Variants in RIMS2 observed in about 807,000 individuals in gnomAD.
The protein encoded by RIMS2 is regulating synaptic membrane exocytosis protein 2.
A neutral mutation model predicts 174.4 loss-of-function variants in RIMS2; 59 were observed. The ratio of observed to expected loss-of-function variants is 0.34; its 90% confidence interval spans 0.27 to 0.42. The LOEUF is 0.42. RIMS2 is among the 10% of genes least tolerant of loss of function. The probability of loss-of-function intolerance (pLI) is 1.00; values close to 1 mark genes in which losing one functional copy is unlikely to be tolerated. For missense variants in RIMS2, 1,620 were observed against 1,666.3 expected, an observed-to-expected ratio of 0.97 and a Z score of 0.48; for synonymous variants, 606 against 572.5, an observed-to-expected ratio of 1.06 and a Z score of -0.84.
intron 19 of RIMS2, among the ~76,000 whole-genome samples, chr8:104,089,871 T>A (rs1389456829): frequency 6.6e-6 from 1 of 151,696 alleles, no homozygotes; most frequent in African/African-American, 2.4e-5. Flanking sequence ...TCTCAAAAAT[T>A]CTTAAAATGG....
chr8:103,933,334 CAA>C (rs2080443003), intron 12 of RIMS2, among the ~76,000 whole-genome samples: 1 of 124,460 alleles, frequency 8.0e-6, no homozygotes, highest in Non-Finnish European at 1.6e-5. Context: ...CACACACACA[CAA>C]TTAGCCAGGA....
At chr8:103,738,948 A>C (rs1485675577) in intron 2 of RIMS2, among the ~76,000 whole-genome samples, 1 of 152,200 alleles carries the variant, frequency 6.6e-6, no homozygotes, top group Non-Finnish European at 1.5e-5. Context: ...AAACTAGTTC[A>C]ACCATTGTGG....
intron 19 of RIMS2, among the ~76,000 whole-genome samples, chr8:104,227,949 T>TA (rs1417457805): frequency 6.6e-6 from 1 of 151,870 alleles, no homozygotes; most frequent in East Asian, 1.9e-4. Flanking sequence ...TATGAGGAAT[T>TA]AAAATAAAAT....
chr8:103,947,353 A>G (rs1442522255), intron 14 of RIMS2, among the ~76,000 whole-genome samples: 1 of 152,216 alleles, frequency 6.6e-6, no homozygotes, highest in East Asian at 1.9e-4. Context: ...GCTAATGACC[A>G]GGTTACTTTC....
intron 1 of RIMS2, among the ~76,000 whole-genome samples, chr8:103,539,448 C>A (rs1841485272): frequency 6.6e-6 from 1 of 152,004 alleles, no homozygotes; most frequent in Non-Finnish European, 1.5e-5. Context: ...ACTGAAGCAA[C>A]AAAGTGGAGC....
At chr8:103,958,064 G>T (rs550530634) in intron 14 of RIMS2, among the ~76,000 whole-genome samples, 1 of 152,182 alleles carries the variant, frequency 6.6e-6, no homozygotes, top group South Asian at 2.1e-4. Flanking sequence ...ATATTCCCAG[G>T]TGAATATAAA....
At chr8:103,628,835 A>G (rs2095848121) in intron 1 of RIMS2, among the ~76,000 whole-genome samples, 1 of 151,920 alleles carries the variant, frequency 6.6e-6, no homozygotes, top group Middle Eastern at 3.2e-3. Context: ...CAACAGAACA[A>G]AAACATTTTG....
chr8:104,098,590 C>T (rs949200372), intron 19 of RIMS2, among the ~76,000 whole-genome samples: 8 of 152,088 alleles, frequency 5.3e-5, no homozygotes, highest in Non-Finnish European at 1.0e-4. Flanking sequence ...ATTATCATTG[C>T]TCTTTTTTAA....
intron 3 of RIMS2, among the ~76,000 whole-genome samples, chr8:103,801,406 A>T (rs2098606958): frequency 6.6e-6 from 1 of 152,230 alleles, no homozygotes; most frequent in African/African-American, 2.4e-5. Context: ...TAGCCATGGT[A>T]GCTATATTTA....
At chr8:103,919,888 A>G (rs1470509109) in intron 9 of RIMS2, among the ~76,000 whole-genome samples, 3 of 152,064 alleles carry the variant, frequency 2.0e-5, no homozygotes, top group Non-Finnish European at 2.9e-5. Context: ...TAATTATTAT[A>G]AAATGATATT....
intron 19 of RIMS2, among the ~76,000 whole-genome samples, chr8:104,051,438 T>G (rs1217388873): frequency 6.6e-6 from 1 of 152,120 alleles, no homozygotes; most frequent in Admixed American, 6.5e-5. Flanking sequence ...TGAAGGAGGT[T>G]GATAGGCTTG....
chr8:103,578,253 G>T (rs1193370936), intron 1 of RIMS2, among the ~76,000 whole-genome samples: 1 of 152,194 alleles, frequency 6.6e-6, no homozygotes, highest in Non-Finnish European at 1.5e-5. Context: ...ATATCGGCCA[G>T]GCATTGTGGT....
chr8:104,123,801 G>T (rs971423001), intron 19 of RIMS2, among the ~76,000 whole-genome samples: 1 of 152,026 alleles, frequency 6.6e-6, no homozygotes, highest in Non-Finnish European at 1.5e-5. Flanking sequence ...TTCAAATCTT[G>T]TAGGAAAATA....
At position 103,910,535 on chromosome 8, in the gene RIMS2, G is replaced by C; in HGVS notation, c.1692+334G>C. ...AGCATAGCCATAGTGATAAGGTACT[G>C]AGATTGTGGAGCCTGCCTTTTAACC... On this transcript the variant is annotated intron_variant, in intron 5 of 23. Transcript: ENST00000504942. 6.5e-7 allele frequency: 1 copy of C among 1,550,246 alleles called. No homozygotes were observed. The highest frequency in any genetic ancestry group is 8.8e-7 in the Non-Finnish European group (1 of 1,136,702).
intron 1 of RIMS2, among the ~76,000 whole-genome samples, chr8:103,585,129 AC>A (rs1393052545): frequency 2.6e-5 from 4 of 152,282 alleles, no homozygotes; most frequent in African/African-American, 9.6e-5. Flanking sequence ...CGGCCAACAA[AC>A]ATATGAAAAA....
At chr8:103,638,733 A>G (rs993746593) in intron 1 of RIMS2, among the ~76,000 whole-genome samples, 2 of 152,036 alleles carry the variant, frequency 1.3e-5, no homozygotes, top group African/African-American at 4.8e-5. Context: ...TTCTCAAAAT[A>G]TCTTTGATTG....
chr8:103,742,804 C>T (rs2097773975), intron 2 of RIMS2, among the ~76,000 whole-genome samples: 1 of 152,110 alleles, frequency 6.6e-6, no homozygotes, highest in African/African-American at 2.4e-5. Flanking sequence ...CTCAGGGGCT[C>T]TCTGGAGCAG....
At chr8:103,724,771 C>CAT (rs2097505005) in intron 2 of RIMS2, among the ~76,000 whole-genome samples, 1 of 152,088 alleles carries the variant, frequency 6.6e-6, no homozygotes, top group Non-Finnish European at 1.5e-5. Context: ...CCACTTTTTT[C>CAT]ATATATAGAA....
At chr8:103,972,565 C>A (rs902079775) in intron 15 of RIMS2, among the ~76,000 whole-genome samples, 1 of 152,164 alleles carries the variant, frequency 6.6e-6, no homozygotes, top group Non-Finnish European at 1.5e-5. Context: ...TAATCTTCCC[C>A]CTTCCCTCCA....
Sources: allele counts gnomAD v4.1 joint callset (sites outside exome capture counted in the v4.1 genomes callset), GRCh38; gene constraint gnomAD v4.1.1; transcripts MANE v1.5; gene names NCBI Gene and HGNC (gene_info 2026-07-23, HGNC 2026-07-21).